Variants in CSMD1 observed in about 807,000 individuals in gnomAD.
CSMD1 encodes CUB and sushi domain-containing protein 1.
In CSMD1, 213 loss-of-function variants were observed where a neutral mutation model predicts 417.5. The observed-to-expected ratio is 0.51, with a 90% CI of 0.46 to 0.57. CSMD1 has a LOEUF of 0.57. Ranked by LOEUF, CSMD1 falls within the 20% of genes least tolerant of loss-of-function variation. The pLI, the probability that CSMD1 is intolerant of heterozygous loss-of-function variation, is 0.00. For missense variants in CSMD1, 6,923 were observed against 4,529.7 expected (o/e 1.53, Z -15.17); for synonymous variants, 2,862 against 1,736.8 (o/e 1.65, Z -16.11).
At chr8:3,733,349 T>TTA (rs532676188) in intron 6 of CSMD1, among the ~76,000 whole-genome samples, 117 of 147,734 alleles carry the variant, frequency 7.9e-4, no homozygotes, top group African/African-American at 2.8e-3. Flanking sequence ...GACATATATA[T>TTA]TATATATATA....
At chr8:3,354,794 C>CTATATATATA (rs1270366300) in intron 21 of CSMD1, among the ~76,000 whole-genome samples, 1 of 121,364 alleles carries the variant, frequency 8.2e-6, no homozygotes, top group African/African-American at 3.4e-5. Flanking sequence ...ATATATATCA[C>CTATATATATA]TAAACTCTCT....
At chr8:3,939,794 A>C (rs1257693614) in intron 5 of CSMD1, among the ~76,000 whole-genome samples, 1 of 152,154 alleles carries the variant, frequency 6.6e-6, no homozygotes, top group African/African-American at 2.4e-5. Flanking sequence ...ATATGTTCTC[A>C]CTTGTGAGAG....
chr8:3,889,671 A>G (rs1806820877), intron 5 of CSMD1, among the ~76,000 whole-genome samples: 1 of 151,514 alleles, frequency 6.6e-6, no homozygotes, highest in African/African-American at 2.4e-5. Flanking sequence ...TCTACTGTCT[A>G]TCTGCAAAAT....
At chr8:4,605,442 C>T (rs1800815293) in intron 2 of CSMD1, among the ~76,000 whole-genome samples, 1 of 152,120 alleles carries the variant, frequency 6.6e-6, no homozygotes, top group African/African-American at 2.4e-5. Flanking sequence ...TATAATGGTC[C>T]CCAGAATTAT....
intron 5 of CSMD1, among the ~76,000 whole-genome samples, chr8:3,968,776 G>C (rs1044871196): frequency 1.3e-5 from 2 of 152,108 alleles, no homozygotes; most frequent in South Asian, 4.1e-4. Context: ...GATGGGTGGG[G>C]ATTTGTAATT....
chr8:3,635,261 G>C (rs1045738186), intron 7 of CSMD1, among the ~76,000 whole-genome samples: 1 of 151,948 alleles, frequency 6.6e-6, no homozygotes, highest in African/African-American at 2.4e-5. Flanking sequence ...GGATCATGAG[G>C]TCAGGTGTTC....
intron 26 of CSMD1, among the ~76,000 whole-genome samples, chr8:3,233,614 G>A (rs940223528): frequency 1.3e-5 from 2 of 152,034 alleles, no homozygotes; most frequent in African/African-American, 4.8e-5. Flanking sequence ...CATTTACTTG[G>A]CCGTTCATAT....
intron 3 of CSMD1, among the ~76,000 whole-genome samples, chr8:4,113,973 G>A (rs1451131334): frequency 6.6e-6 from 1 of 152,194 alleles, no homozygotes; most frequent in Admixed American, 6.5e-5. Flanking sequence ...AAAAGTTCCA[G>A]GTGAAGCAGC....
At chr8:3,465,360 G>T (rs554985897) in intron 12 of CSMD1, among the ~76,000 whole-genome samples, 1 of 152,296 alleles carries the variant, frequency 6.6e-6, no homozygotes, top group South Asian at 2.1e-4. Context: ...GGGAGTTAGA[G>T]ACAGCACAAA....
chr8:3,723,358 C>A (rs538976472), intron 6 of CSMD1, among the ~76,000 whole-genome samples: 1 of 152,282 alleles, frequency 6.6e-6, no homozygotes, highest in African/African-American at 2.4e-5. Flanking sequence ...AGCACCATCT[C>A]CCTTTCTTAA....
At chr8:3,228,457 G>A (rs1415595555) in intron 27 of CSMD1, among the ~76,000 whole-genome samples, 1 of 152,056 alleles carries the variant, frequency 6.6e-6, no homozygotes, top group Non-Finnish European at 1.5e-5. Flanking sequence ...CATGTAGGCG[G>A]GTCTGGTTGC....
chr8:4,159,164 T>C (rs914275145), intron 3 of CSMD1, among the ~76,000 whole-genome samples: 2 of 152,054 alleles, frequency 1.3e-5, no homozygotes, highest in Non-Finnish European at 1.5e-5. Context: ...AATCCACCTG[T>C]CTCGGCCTCC....
chr8:4,410,030 T>C (rs1260334125), intron 3 of CSMD1, among the ~76,000 whole-genome samples: 2 of 152,034 alleles, frequency 1.3e-5, no homozygotes, highest in Non-Finnish European at 2.9e-5. Flanking sequence ...GCCAAGATGG[T>C]ATCAAACTCT....
intron 1 of CSMD1, among the ~76,000 whole-genome samples, chr8:4,706,981 A>G (rs1807986279): frequency 6.6e-6 from 1 of 152,198 alleles, no homozygotes; most frequent in East Asian, 1.9e-4. Context: ...TGACAGGGAC[A>G]AAGTCATGAA....
At chr8:3,737,076 T>C in intron 6 of CSMD1, among the ~76,000 whole-genome samples, 1 of 152,230 alleles carries the variant, frequency 6.6e-6, no homozygotes, top group East Asian at 1.9e-4. Flanking sequence ...AAGTCAGTGT[T>C]CATTTATATT....
intron 1 of CSMD1, among the ~76,000 whole-genome samples, chr8:4,763,391 G>T (rs950350452): frequency 6.6e-6 from 1 of 152,160 alleles, no homozygotes; most frequent in African/African-American, 2.4e-5. Flanking sequence ...TTTTTAGGCA[G>T]TTAATTCAGT....
chr8:3,599,748 T>C (rs1056556728), intron 8 of CSMD1, among the ~76,000 whole-genome samples: 2 of 152,186 alleles, frequency 1.3e-5, no homozygotes, highest in Admixed American at 6.5e-5. Flanking sequence ...CACTCCTCTC[T>C]TCTTTCACCA....
intron 5 of CSMD1, among the ~76,000 whole-genome samples, chr8:3,874,267 G>C (rs1238330584): frequency 1.3e-5 from 2 of 152,166 alleles, no homozygotes; most frequent in South Asian, 4.1e-4. Context: ...CTGTTAGAAT[G>C]CTCAAGGTCC....
chr8:4,676,708 G>C (rs1012450135), intron 1 of CSMD1, among the ~76,000 whole-genome samples: 1 of 152,008 alleles, frequency 6.6e-6, no homozygotes, highest in Non-Finnish European at 1.5e-5. Context: ...TCACGTCATA[G>C]TTTGTGTTTC....
Sources: gnomAD v4.1 joint callset for allele counts (sites outside exome capture counted in the v4.1 genomes callset) on GRCh38, gnomAD v4.1.1 for gene constraint, MANE v1.5 for transcripts, NCBI Gene and HGNC (gene_info 2026-07-23, HGNC 2026-07-21) for gene names.